Variants in GRM1 observed in about 807,000 individuals in gnomAD.
GRM1 encodes the protein metabotropic glutamate receptor 1.
Under a neutral mutation model 90.9 loss-of-function variants are expected in GRM1, and 33 were observed. The observed-to-expected ratio is 0.36, with a 90% CI of 0.28 to 0.49. The LOEUF is 0.49. GRM1 is among the 20% of genes least tolerant of loss of function. The pLI, the probability that GRM1 is intolerant of heterozygous loss-of-function variation, is 0.99. For synonymous variants in GRM1, 700 were observed against 613.2 expected, an observed-to-expected ratio of 1.14 and a Z score of -2.09; for missense variants, 1,190 against 1,534.3, an observed-to-expected ratio of 0.78 and a Z score of 3.75.
rs559194562 is a variant in GRM1, at chr6:146,092,760, G to C, written c.700+62543G>C. Among the ~76,000 whole-genome samples the C allele has an allele frequency of 1.3e-4, 20 of 152,204 alleles. No individual in the cohort carries two copies. The East Asian group carries it at 2.1e-3, about 16-fold the overall frequency. On this transcript the variant is annotated intron_variant, in intron 1 of 7. Coordinates refer to ENST00000282753, the MANE Select transcript of GRM1 (RefSeq NM_001278064.2). ...TGCATCTGAAGAAGCAGAACCAAGA[G>C]GAAGCAAGGGAAGAGCACAGAGCCT...
rs142881128 is a variant in GRM1 at position 146,378,826 on chromosome 6, A to T, written c.1603-8064A>T. Reference sequence around the variant, plus strand: ...TTGGGAGGGGCCAGGGAGGTAATTGAATCATGAGGTCCAGTCTTTCCTGTG... The same window carrying T: ...TTGGGAGGGGCCAGGGAGGTAATTGTATCATGAGGTCCAGTCTTTCCTGTG... On this transcript the variant is annotated intron_variant, in intron 5 of 7. Transcript: ENST00000282753. Among the ~76,000 whole-genome samples the T allele has an allele frequency of 6.6e-5, 10 of 152,232 alleles. No homozygotes were observed. The East Asian group carries it at 1.4e-3, about 21-fold the overall frequency.
chr6:146,360,866 A>G (rs964417890), intron 5 of GRM1, among the ~76,000 whole-genome samples: 1 of 152,206 alleles, frequency 6.6e-6, no homozygotes, highest in Non-Finnish European at 1.5e-5. Flanking sequence ...AGGATGGGGA[A>G]AAGCAAAACA....
chr6:146,090,817 T>C (rs969110196), intron 1 of GRM1, among the ~76,000 whole-genome samples: 1 of 152,126 alleles, frequency 6.6e-6, no homozygotes. Context: ...TTTCTAAGCA[T>C]GGCCCACATT....
At chr6:146,122,011 C>G (rs952599045) in intron 1 of GRM1, among the ~76,000 whole-genome samples, 1 of 151,888 alleles carries the variant, frequency 6.6e-6, no homozygotes, top group Admixed American at 6.6e-5. Flanking sequence ...CTCGTTGATC[C>G]GTCTAATATT....
In GRM1 at chr6:146,029,598, G is replaced by C. The variant is rs751336735; in HGVS notation, c.81G>C (p.Val27=). 17 of 1,614,152 alleles carry C rather than the reference G, an allele frequency of 1.1e-5. No homozygotes were observed. In the East Asian group the frequency reaches 3.1e-4, roughly 30 times the overall value. ...TCCCCAGAAGCCCCGGCAGGAAAGTGTTGCTGGCAGGAGCGTCGTCTCAGC... is the reference window on the plus strand; with the variant it reads ...TCCCCAGAAGCCCCGGCAGGAAAGTCTTGCTGGCAGGAGCGTCGTCTCAGC... ...SLLPRSPGRK[V]LLAGASSQRS... Residue 27 remains valine (V), a synonymous_variant, in exon 1 of 8, where the codon GTG becomes GTC. Transcript: ENST00000282753.
At chr6:146,040,963 T>G (rs1281599983) in intron 1 of GRM1, among the ~76,000 whole-genome samples, 1 of 151,908 alleles carries the variant, frequency 6.6e-6, no homozygotes, top group Non-Finnish European at 1.5e-5. Flanking sequence ...CTCCTCTGAA[T>G]GTATTTTCAA....
intron 3 of GRM1, among the ~76,000 whole-genome samples, chr6:146,343,657 A>ATTT (rs992020962): frequency 1.6e-5 from 2 of 122,746 alleles, no homozygotes; most frequent in Admixed American, 7.5e-5. Flanking sequence ...TGTTGTTTTT[A>ATTT]TTTATTATTA....
At position 146,329,727 on chromosome 6, in the gene GRM1, A is replaced by C. The variant is rs138691789; in HGVS notation, c.1187-22523A>C. Among the ~76,000 whole-genome samples the C allele has an allele frequency of 4.8e-3, 738 of 152,288 alleles. 7 individuals are homozygous for C. The highest frequency in any genetic ancestry group is 0.017 in the African/African-American group (690 of 41,556). On this transcript the variant is annotated intron_variant, in intron 3 of 7. Coordinates refer to ENST00000282753, the MANE Select transcript of GRM1 (RefSeq NM_001278064.2). ...GTTGAATACACCTAACCTGCCAAAC[A>C]TCATAGCTTCATAGCTTAGCCTAGC...
intron 1 of GRM1, among the ~76,000 whole-genome samples, chr6:146,057,201 T>G (rs1033812786): frequency 2.0e-5 from 3 of 152,174 alleles, no homozygotes; most frequent in African/African-American, 7.2e-5. Flanking sequence ...ACACAATTTC[T>G]TGTATTCTGT....
chr6:146,182,199 CT>C (rs1778573159), intron 2 of GRM1, among the ~76,000 whole-genome samples: 1 of 152,034 alleles, frequency 6.6e-6, no homozygotes, highest in Non-Finnish European at 1.5e-5. Flanking sequence ...GCACTGTAAG[CT>C]TTTACAACAC....
chr6:146,266,060 G>A (rs561418463), intron 2 of GRM1, among the ~76,000 whole-genome samples: 11 of 152,010 alleles, frequency 7.2e-5, no homozygotes, highest in South Asian at 2.1e-4. Flanking sequence ...ATGGTGGTGC[G>A]TGCCTGTAAT....
intron 2 of GRM1, among the ~76,000 whole-genome samples, chr6:146,290,039 C>T (rs779982661): frequency 6.6e-6 from 1 of 152,174 alleles, no homozygotes; most frequent in African/African-American, 2.4e-5. Context: ...GGGAAATGCT[C>T]AGCCTGTCCA....
chr6:146,072,011 C>G (rs969311931), intron 1 of GRM1, among the ~76,000 whole-genome samples: 1 of 152,090 alleles, frequency 6.6e-6, no homozygotes, highest in African/African-American at 2.4e-5. Flanking sequence ...ATGCAGCATT[C>G]GTGACACTAG....
chr6:146,367,571 C>T (rs1280957247), intron 5 of GRM1, among the ~76,000 whole-genome samples: 4 of 152,126 alleles, frequency 2.6e-5, no homozygotes, highest in South Asian at 4.1e-4. Context: ...AACCCATGGC[C>T]CCCATAGTAG....
chr6:146,403,803 G>A (rs1777237751), intron 7 of GRM1, among the ~76,000 whole-genome samples: 1 of 151,968 alleles, frequency 6.6e-6, no homozygotes, highest in African/African-American at 2.4e-5. Flanking sequence ...TATGTCTATA[G>A]CTCTGCTAAA....
rs149367042 is a variant in GRM1, at chr6:146,249,195, A to G, written c.951-55416A>G. Among the ~76,000 whole-genome samples the G allele has an allele frequency of 2.1e-3, 325 of 152,290 alleles. 1 individual carries two copies. The highest frequency in any genetic ancestry group is 7.5e-3 in the African/African-American group (312 of 41,578). On this transcript the variant is annotated intron_variant, in intron 2 of 7. Transcript: ENST00000282753. Reference sequence around the variant, plus strand: ...ATAAAACCCCATTTTCTGGGGAGGAATTTAAGCCTGCTGCAGAAATATTCC... The same window carrying G: ...ATAAAACCCCATTTTCTGGGGAGGAGTTTAAGCCTGCTGCAGAAATATTCC...
intron 1 of GRM1, among the ~76,000 whole-genome samples, chr6:146,049,634 A>G (rs926509683): frequency 6.6e-6 from 1 of 150,758 alleles, no homozygotes; most frequent in African/African-American, 2.4e-5. Flanking sequence ...GCCAATTCCC[A>G]TATGAAACCT....
chr6:146,210,320 A>G (rs147087193), intron 2 of GRM1, among the ~76,000 whole-genome samples: 38 of 152,318 alleles, frequency 2.5e-4, no homozygotes, highest in African/African-American at 9.1e-4. Flanking sequence ...TAATAACCCA[A>G]ATCCACAATG....
chr6:146,345,384 G>C (rs1049134625), intron 3 of GRM1, among the ~76,000 whole-genome samples: 1 of 152,142 alleles, frequency 6.6e-6, no homozygotes, highest in Non-Finnish European at 1.5e-5. Context: ...CAATGTTAAT[G>C]CCATATAACA....
Sources: gnomAD v4.1 joint callset for allele counts (sites outside exome capture counted in the v4.1 genomes callset) on GRCh38, gnomAD v4.1.1 for gene constraint, MANE v1.5 for transcripts, NCBI Gene and HGNC (gene_info 2026-07-23, HGNC 2026-07-21) for gene names.